POU6F2: variants seen among roughly 807,000 people sequenced by gnomAD.
POU6F2 encodes POU class 6 homeobox 2, also known as POU domain, class 6, transcription factor 2.
Under a neutral mutation model 71.3 loss-of-function variants are expected in POU6F2, and 31 were observed. That is an observed-to-expected ratio of 0.43 (90% CI 0.33 to 0.59). The LOEUF is 0.59. Ranked by LOEUF, POU6F2 falls within the 20% of genes least tolerant of loss-of-function variation. The pLI, the probability that POU6F2 is intolerant of heterozygous loss-of-function variation, is 0.04. For missense variants in POU6F2, 783 were observed against 856.8 expected (o/e 0.91, Z 1.07); for synonymous variants, 347 against 355.7 (o/e 0.98, Z 0.27).
chr7:39,055,521 G>A (rs1416550395), intron 1 of POU6F2, among the ~76,000 whole-genome samples: 1 of 152,080 alleles, frequency 6.6e-6, no homozygotes, highest in African/African-American at 2.4e-5. Flanking sequence ...TGTTAATTAG[G>A]TTACTTTAAC....
intron 6 of POU6F2, among the ~76,000 whole-genome samples, chr7:39,427,492 A>T (rs892030284): frequency 6.6e-6 from 1 of 152,176 alleles, no homozygotes; most frequent in South Asian, 2.1e-4. Flanking sequence ...CACGCAAATT[A>T]TTCCTCTCTT....
intron 2 of POU6F2, among the ~76,000 whole-genome samples, chr7:39,172,491 A>G (rs1290538932): frequency 6.6e-6 from 1 of 152,152 alleles, no homozygotes; most frequent in African/African-American, 2.4e-5. Context: ...TATTTTCAAG[A>G]CATCTGTAAC....
At chr7:39,199,717 C>T (rs940126127) in intron 2 of POU6F2, among the ~76,000 whole-genome samples, 7 of 151,984 alleles carry the variant, frequency 4.6e-5, no homozygotes, top group African/African-American at 1.7e-4. Context: ...CTGCAGGCAC[C>T]CTGTGGGTTT....
chr7:39,236,302 C>T (rs954072981), intron 4 of POU6F2, among the ~76,000 whole-genome samples: 1 of 152,128 alleles, frequency 6.6e-6, no homozygotes, highest in Non-Finnish European at 1.5e-5. Flanking sequence ...TATAACTAAG[C>T]GCCTCTAAAA....
chr7:39,446,189 G>A (rs963074701), intron 7 of POU6F2, among the ~76,000 whole-genome samples: 3 of 152,218 alleles, frequency 2.0e-5, no homozygotes, highest in African/African-American at 2.4e-5. Flanking sequence ...TGGCTTCTGC[G>A]AGACCCCTCT....
intron 4 of POU6F2, among the ~76,000 whole-genome samples, chr7:39,226,349 G>A (rs1584612099): frequency 6.6e-6 from 1 of 152,168 alleles, no homozygotes; most frequent in East Asian, 1.9e-4. Context: ...GGAGAGGCCT[G>A]TATCCTTTTC....
intron 2 of POU6F2, among the ~76,000 whole-genome samples, chr7:39,155,958 C>G (rs1166653924): frequency 6.6e-6 from 1 of 152,090 alleles, no homozygotes; most frequent in Admixed American, 6.5e-5. Flanking sequence ...AGAAAATTCC[C>G]CTTCCTACTC....
At chr7:39,334,282 A>G (rs1401722848) in intron 4 of POU6F2, among the ~76,000 whole-genome samples, 1 of 152,168 alleles carries the variant, frequency 6.6e-6, no homozygotes, top group Non-Finnish European at 1.5e-5. Flanking sequence ...TGTTGCCAAG[A>G]ATAAAGACAG....
intron 4 of POU6F2, among the ~76,000 whole-genome samples, chr7:39,236,376 G>C (rs1411707345): frequency 1.3e-5 from 2 of 152,080 alleles, no homozygotes; most frequent in African/African-American, 4.8e-5. Context: ...CATGGCATTG[G>C]TAATAATGGA....
At chr7:39,403,998 A>G (rs1787362298) in intron 5 of POU6F2, among the ~76,000 whole-genome samples, 1 of 152,186 alleles carries the variant, frequency 6.6e-6, no homozygotes, top group Non-Finnish European at 1.5e-5. Context: ...ACAAAGACCT[A>G]CTGGAATGAC....
intron 6 of POU6F2, among the ~76,000 whole-genome samples, chr7:39,410,370 G>A (rs1787528043): frequency 6.6e-6 from 1 of 152,190 alleles, no homozygotes; most frequent in South Asian, 2.1e-4. Flanking sequence ...AGGCTCTAAA[G>A]TTATATAGTA....
At chr7:39,417,125 A>G (rs912150227) in intron 6 of POU6F2, among the ~76,000 whole-genome samples, 4 of 152,206 alleles carry the variant, frequency 2.6e-5, no homozygotes, top group African/African-American at 7.2e-5. Flanking sequence ...TCTGCAAACT[A>G]TGTTTATAGT....
At chr7:39,202,953 A>G (rs1793938781) in intron 2 of POU6F2, among the ~76,000 whole-genome samples, 1 of 152,252 alleles carries the variant, frequency 6.6e-6, no homozygotes, top group Non-Finnish European at 1.5e-5. Context: ...AAAATATTAC[A>G]AATTAATCAG....
rs189382612 is a variant in POU6F2, at chr7:39,177,275, C to T, written c.278-26960C>T. 1.2e-4 allele frequency among the ~76,000 whole-genome samples: 18 copies of T among 152,262 alleles called. No individual in the cohort carries two copies. In the East Asian group the frequency reaches 3.5e-3, roughly 29 times the overall value. On this transcript the variant is annotated intron_variant, in intron 2 of 9. Transcript: ENST00000518318. Reference sequence around the variant, plus strand: ...TTTCCTTGGGACTTCCTGAGTTCTGCCTTCACACAGAGTTCAGGGCAGGGA... The same window carrying T: ...TTTCCTTGGGACTTCCTGAGTTCTGTCTTCACACAGAGTTCAGGGCAGGGA...
At chr7:38,984,874 T>C (rs1395560389) in intron 1 of POU6F2, 1 of 152,160 alleles carries the variant, frequency 6.6e-6, no homozygotes, top group African/African-American at 2.4e-5. Context: ...AAAGAATACA[T>C]ACCTGTTAAA....
intron 4 of POU6F2, among the ~76,000 whole-genome samples, chr7:39,277,975 T>C (rs781048123): frequency 2.0e-5 from 3 of 151,660 alleles, no homozygotes; most frequent in African/African-American, 4.8e-5. Flanking sequence ...GAGAATCGCT[T>C]GAAGCTGGGA....
chr7:39,377,661 C>A (rs1019475378), intron 5 of POU6F2, among the ~76,000 whole-genome samples: 2 of 152,066 alleles, frequency 1.3e-5, no homozygotes, highest in Non-Finnish European at 2.9e-5. Context: ...AACCTTGGGG[C>A]AGAAGAATTT....
chr7:39,417,737 C>G (rs1291535964), intron 6 of POU6F2, among the ~76,000 whole-genome samples: 1 of 152,134 alleles, frequency 6.6e-6, no homozygotes, highest in African/African-American at 2.4e-5. Context: ...TGCAAATGTC[C>G]ATGTACTCAC....
At chr7:39,235,460 A>G (rs1794658604) in intron 4 of POU6F2, among the ~76,000 whole-genome samples, 1 of 152,126 alleles carries the variant, frequency 6.6e-6, no homozygotes, top group Non-Finnish European at 1.5e-5. Context: ...ATGAAAGCCA[A>G]GGTCTCCCTG....
Sources: allele counts gnomAD v4.1 joint callset (sites outside exome capture counted in the v4.1 genomes callset), GRCh38; gene constraint gnomAD v4.1.1; transcripts MANE v1.5; gene names NCBI Gene and HGNC (gene_info 2026-07-23, HGNC 2026-07-21).